IQGAP2: variants seen among roughly 807,000 people sequenced by gnomAD.
The protein encoded by IQGAP2 is IQ motif containing GTPase activating protein 2.
In IQGAP2, 173 loss-of-function variants were observed where a neutral mutation model predicts 201.3. That is an observed-to-expected ratio of 0.86 (90% CI 0.76 to 0.98). The LOEUF is 0.98. IQGAP2 is among the 50% of genes least tolerant of loss of function. The pLI is 0.00. For synonymous variants in IQGAP2, 675 were observed against 673.9 expected (o/e 1.00, Z -0.03); for missense variants, 1,687 against 1,864.8 (o/e 0.90, Z 1.76).
chr5:76,414,513 T>A (rs746871707), intron 1 of IQGAP2, among the ~76,000 whole-genome samples: 6 of 152,180 alleles, frequency 3.9e-5, no homozygotes, highest in Non-Finnish European at 7.3e-5. Flanking sequence ...GAAACAAAGA[T>A]ACATTTATTT....
chr5:76,700,337 T>C (rs986378832), intron 33 of IQGAP2, among the ~76,000 whole-genome samples: 15 of 152,134 alleles, frequency 9.9e-5, no homozygotes, highest in Non-Finnish European at 2.9e-5. Flanking sequence ...CGAAACTCCT[T>C]CTCCTCTAAA....
At chr5:76,521,860 C>T (rs534353708) in intron 2 of IQGAP2, among the ~76,000 whole-genome samples, 20 of 152,108 alleles carry the variant, frequency 1.3e-4, no homozygotes, top group African/African-American at 4.8e-4. Flanking sequence ...TGAATAAGTT[C>T]CAGGCATTAC....
rs923705784 is a variant in IQGAP2 at position 76,403,454 on chromosome 5, G to C, written c.-92G>C. The C allele has an allele frequency of 5.0e-6, 5 of 997,342 alleles. No individual in the cohort carries two copies. Among genetic ancestry groups the C allele is most frequent in the Non-Finnish European group, 6.6e-6 (5 of 752,002 alleles). The allele number at this position is 997,342 out of a possible 1,614,324, so 61.8% of individuals were successfully genotyped here. On this transcript the variant is annotated 5_prime_UTR_variant, in exon 1 of 36. Transcript: ENST00000274364. The surrounding 1 kb of genome is among the most constrained non-coding windows in gnomAD (Gnocchi z 4.8). ...GGGAAATCGGCGAGAGGCGGGATCC[G>C]AGCGCGCCGGCGGGGCGCAGAGCCC...
At chr5:76,609,015 A>G in intron 12 of IQGAP2, 1 of 1,334,254 alleles carries the variant, frequency 7.5e-7, no homozygotes, top group Non-Finnish European at 1.0e-6. Context: ...TTTATTTATA[A>G]ACAGAGGAAG....
Position 76,697,735 on chromosome 5 carries a change from C to A in IQGAP2, c.4207-252C>A, listed in dbSNP as rs184526328. On this transcript the variant is annotated intron_variant, in intron 32 of 35. Transcript: ENST00000274364. ...ATGTGTGGTTATTCTAAAATAACTT[C>A]TTTGCCTTTCCATCCAGAGCAAAAT... Among the ~76,000 whole-genome samples, 8 of 152,322 alleles carry A rather than the reference C, an allele frequency of 5.3e-5. No individual in the cohort carries two copies. The East Asian group carries it at 1.5e-3, about 29-fold the overall frequency.
intron 32 of IQGAP2, among the ~76,000 whole-genome samples, chr5:76,696,209 C>T (rs1009846657): frequency 5.3e-5 from 8 of 152,104 alleles, no homozygotes; most frequent in Admixed American, 3.9e-4. Context: ...TGGTCTATAC[C>T]TTTAAAGTTT....
At chr5:76,537,627 C>T (rs146006714) in intron 2 of IQGAP2, among the ~76,000 whole-genome samples, 1 of 152,122 alleles carries the variant, frequency 6.6e-6, no homozygotes, top group Non-Finnish European at 1.5e-5. Flanking sequence ...TATCCTATCA[C>T]AATGCTGGAT....
chr5:76,631,909 A>G lies in IQGAP2; in HGVS notation c.1663A>G (p.Ser555Gly). The part of the protein sequence containing the change: ...VNQCLEGKKS[S>G]DILSVLKSST... ...TCAGTGTTTGGAAGGAAAAAAATCA[A>G]GTGATATTTTGTCTGTATTGAAGTC... Residue 555 changes from serine to glycine, a missense_variant, in exon 15 of 36, where the codon AGT becomes GGT. Ser to Gly is a moderately conservative substitution (Grantham distance 56). Coordinates refer to ENST00000274364, the MANE Select transcript of IQGAP2 (RefSeq NM_006633.5). 1 of 1,610,808 alleles carries G rather than the reference A, an allele frequency of 6.2e-7. No homozygotes were observed. Among genetic ancestry groups the G allele is most frequent in the Non-Finnish European group, 8.5e-7 (1 of 1,178,154 alleles).
At chr5:76,660,587 G>A (rs1743162259) in intron 21 of IQGAP2, among the ~76,000 whole-genome samples, 1 of 152,144 alleles carries the variant, frequency 6.6e-6, no homozygotes, top group South Asian at 2.1e-4. Flanking sequence ...GTATCTTTTG[G>A]AAACACAATC....
At chr5:76,596,749 CA>C (rs1488144178) in intron 9 of IQGAP2, among the ~76,000 whole-genome samples, 2 of 152,254 alleles carry the variant, frequency 1.3e-5, no homozygotes, top group Admixed American at 1.3e-4. Context: ...CACTATCATC[CA>C]GGGGGAAATC....
intron 5 of IQGAP2, among the ~76,000 whole-genome samples, chr5:76,580,145 A>C: frequency 6.6e-6 from 1 of 152,022 alleles, no homozygotes; most frequent in East Asian, 1.9e-4. Context: ...GTGTGGTGGC[A>C]GGTGCCTATA....
At chr5:76,469,748 C>CT (rs781390838) in intron 2 of IQGAP2, among the ~76,000 whole-genome samples, 1,533 of 146,262 alleles carry the variant, frequency 0.01, 13 homozygotes, top group Non-Finnish European at 0.015. Flanking sequence ...ATTAAACAGG[C>CT]TTTTTTTTTT....
chr5:76,655,145 C>T (rs576062470), intron 20 of IQGAP2, 142 bp downstream of exon 20: 2 of 599,434 alleles, frequency 3.3e-6, no homozygotes, highest in Non-Finnish European at 5.8e-6. Flanking sequence ...ATCTCAGGCC[C>T]CAGGTTCTAA....
chr5:76,550,091 A>G (rs545675054), intron 2 of IQGAP2, among the ~76,000 whole-genome samples: 9 of 152,338 alleles, frequency 5.9e-5, no homozygotes, highest in Admixed American at 3.9e-4. Context: ...TATATGATTC[A>G]TCTTGAGGCA....
At chr5:76,679,220 C>A in intron 28 of IQGAP2, among the ~76,000 whole-genome samples, 1 of 152,180 alleles carries the variant, frequency 6.6e-6, no homozygotes, top group Admixed American at 6.5e-5. Context: ...GAGATTCTTT[C>A]CCAAGGGTAG....
At chr5:76,637,524 T>A (rs979079273) in intron 16 of IQGAP2, among the ~76,000 whole-genome samples, 6 of 152,212 alleles carry the variant, frequency 3.9e-5, no homozygotes, top group Non-Finnish European at 7.4e-5. Flanking sequence ...AGGTATTTCT[T>A]TCCCCCCATC....
intron 21 of IQGAP2, among the ~76,000 whole-genome samples, chr5:76,659,494 A>T (rs573343345): frequency 7.2e-5 from 11 of 152,316 alleles, no homozygotes; most frequent in African/African-American, 1.9e-4. Context: ...AAAGTTCAAC[A>T]TTAGCCAAGT....
At position 76,562,378 on chromosome 5, in the gene IQGAP2, T is replaced by C. The variant is rs762018290; in HGVS notation, c.147-18T>C. The C allele has an allele frequency of 1.3e-6, 2 of 1,579,166 alleles. No individual in the cohort carries two copies. The highest frequency in any genetic ancestry group is 1.7e-4 in the Middle Eastern group (1 of 5,906). ...CCCAACTGGAATCACTTTAATATTTTTTTTTTAATCTCTTTAGGTGGATGG... is the reference window on the plus strand; with the variant it reads ...CCCAACTGGAATCACTTTAATATTTCTTTTTTAATCTCTTTAGGTGGATGG... On this transcript the variant is annotated intron_variant, in intron 2 of 35. Transcript: ENST00000274364.
intron 2 of IQGAP2, among the ~76,000 whole-genome samples, chr5:76,496,131 C>G (rs1756878112): frequency 6.6e-6 from 1 of 152,196 alleles, no homozygotes; most frequent in Admixed American, 6.5e-5. Context: ...AGTGATTACT[C>G]ACTTTACAGG....
Sources: allele counts gnomAD v4.1 joint callset (sites outside exome capture counted in the v4.1 genomes callset), GRCh38; gene constraint gnomAD v4.1.1; non-coding constraint Gnocchi (gnomAD v3.1); transcripts MANE v1.5; gene names NCBI Gene and HGNC (gene_info 2026-07-23, HGNC 2026-07-21).